Variants in DLGAP2 observed in about 807,000 individuals in gnomAD.
DLGAP2 encodes the protein disks large-associated protein 2.
In DLGAP2, 26 loss-of-function variants were observed where a neutral mutation model predicts 100.3. The ratio of observed to expected loss-of-function variants is 0.26; its 90% CI spans 0.19 to 0.36. The LOEUF (loss-of-function observed/expected upper bound fraction) is 0.36. DLGAP2 is among the 10% of genes least tolerant of loss of function. The pLI is 1.00. For synonymous variants in DLGAP2, 886 were observed against 630.1 expected (o/e 1.41, Z -6.08); for missense variants, 1,858 against 1,453.2 (o/e 1.28, Z -4.53).
intron 3 of DLGAP2, among the ~76,000 whole-genome samples, chr8:1,309,739 A>G (rs1234523216): frequency 1.3e-5 from 2 of 152,242 alleles, no homozygotes; most frequent in Admixed American, 1.3e-4. Flanking sequence ...CAGAAATTAA[A>G]AGATGAATGC....
intron 3 of DLGAP2, among the ~76,000 whole-genome samples, chr8:1,270,051 G>A (rs535422374): frequency 6.6e-5 from 10 of 152,134 alleles, no homozygotes; most frequent in East Asian, 5.8e-4. Flanking sequence ...ATACAGTAGC[G>A]GGTGGTCTTT....
intron 5 of DLGAP2, among the ~76,000 whole-genome samples, chr8:1,550,283 G>T (rs924365923): frequency 2.6e-5 from 4 of 152,182 alleles, no homozygotes; most frequent in African/African-American, 9.7e-5. Context: ...AGGATTGACG[G>T]CACGCTATGG....
chr8:1,029,116 A>G (rs1801900280), intron 2 of DLGAP2, among the ~76,000 whole-genome samples: 1 of 152,148 alleles, frequency 6.6e-6, no homozygotes, highest in African/African-American at 2.4e-5. Flanking sequence ...GGGGGAGGAG[A>G]TAACATAGCG....
chr8:1,478,561 CA>C (rs1253593013), intron 3 of DLGAP2, among the ~76,000 whole-genome samples: 3 of 152,184 alleles, frequency 2.0e-5, no homozygotes, highest in African/African-American at 7.2e-5. Flanking sequence ...GGGCAATGGT[CA>C]AACCAACAGA....
At chr8:1,327,536 C>G (rs1000958189) in intron 3 of DLGAP2, among the ~76,000 whole-genome samples, 1 of 152,184 alleles carries the variant, frequency 6.6e-6, no homozygotes, top group East Asian at 1.9e-4. Context: ...AAGTTTAAAT[C>G]TCTTGCAAGT....
chr8:1,092,099 C>G lies in DLGAP2; in HGVS notation c.74-166752C>G, dbSNP rs535803577. Among the ~76,000 whole-genome samples the G allele has an allele frequency of 6.6e-5, 10 of 152,310 alleles. No individual in the cohort carries two copies. In the East Asian group the frequency reaches 1.7e-3, roughly 26 times the overall value. ...GTGTCTCCTCTCCATGTTTTGGGGA[C>G]TCTCATGGGAGCGGCCGGTGTCTGC... On this transcript the variant is annotated intron_variant, in intron 2 of 14. Transcript: ENST00000637795.
chr8:1,477,877 G>A (rs751254592), intron 3 of DLGAP2, among the ~76,000 whole-genome samples: 1 of 152,146 alleles, frequency 6.6e-6, no homozygotes, highest in South Asian at 2.1e-4. Flanking sequence ...CCGGTGTCGG[G>A]ATGGCAGAGT....
chr8:1,628,827 C>T (rs1222875962), intron 7 of DLGAP2, among the ~76,000 whole-genome samples: 1 of 152,272 alleles, frequency 6.6e-6, no homozygotes, highest in Non-Finnish European at 1.5e-5. Flanking sequence ...TTCTCTCTGA[C>T]TTACTGTGGA....
chr8:1,417,150 CTCTGAGTGAAGGGGAAG>C (rs1796912420), intron 3 of DLGAP2, among the ~76,000 whole-genome samples: 3 of 85,364 alleles, frequency 3.5e-5, no homozygotes, highest in African/African-American at 5.9e-5. Context: ...GCGGGGGAGA[CTCTGAGTGAAGGGGAAG>C]CCCCCGTTCA....
At chr8:1,256,214 C>T (rs1245864895) in intron 2 of DLGAP2, among the ~76,000 whole-genome samples, 3 of 111,830 alleles carry the variant, frequency 2.7e-5, no homozygotes, top group Non-Finnish European at 5.3e-5. Flanking sequence ...TGCCCGGGTG[C>T]TGTGTGTGTG....
chr8:888,567 C>T (rs1321641634), intron 1 of DLGAP2, among the ~76,000 whole-genome samples: 2 of 148,816 alleles, frequency 1.3e-5, no homozygotes, highest in African/African-American at 2.5e-5. Context: ...CTGTGGGGGC[C>T]ATTTTTGTTG....
At chr8:1,196,039 G>A (rs188313506) in intron 2 of DLGAP2, among the ~76,000 whole-genome samples, 30 of 152,318 alleles carry the variant, frequency 2.0e-4, no homozygotes, top group East Asian at 5.8e-4. Context: ...TAGCCATGAC[G>A]TAGAGAAAAA....
chr8:1,220,928 C>G lies in DLGAP2; in HGVS notation c.74-37923C>G, dbSNP rs956719165. On this transcript the variant is annotated intron_variant, in intron 2 of 14. Transcript: ENST00000637795. Reference sequence around the variant, plus strand: ...TGAAATAAGAATAGCAGCTCTTCCTCTTGTTTGTTTTCCATTTGCTTGATA... The same window carrying G: ...TGAAATAAGAATAGCAGCTCTTCCTGTTGTTTGTTTTCCATTTGCTTGATA... Among the ~76,000 whole-genome samples, 17 of 152,160 alleles carry G rather than the reference C, an allele frequency of 1.1e-4. No individual in the cohort carries two copies. The South Asian group carries it at 1.7e-3, about 15-fold the overall frequency.
chr8:1,491,191 G>C (rs1304145645), intron 3 of DLGAP2, among the ~76,000 whole-genome samples: 2 of 151,004 alleles, frequency 1.3e-5, no homozygotes, highest in African/African-American at 4.9e-5. Context: ...ATTTGATGTT[G>C]CATGAAATAT....
intron 1 of DLGAP2, among the ~76,000 whole-genome samples, chr8:824,626 G>A (rs921469757): frequency 6.6e-6 from 1 of 151,804 alleles, no homozygotes; most frequent in Non-Finnish European, 1.5e-5. Context: ...TGGTGAAGAT[G>A]ACTGCTGACC....
intron 2 of DLGAP2, among the ~76,000 whole-genome samples, chr8:970,274 C>A (rs1016337376): frequency 2.0e-5 from 3 of 152,102 alleles, no homozygotes; most frequent in Admixed American, 6.6e-5. Context: ...GCAAGAAATA[C>A]CAAGTCACAA....
chr8:1,137,883 G>A (rs372503005), intron 2 of DLGAP2: 5 of 152,152 alleles, frequency 3.3e-5, no homozygotes, highest in African/African-American at 9.7e-5. Flanking sequence ...CTCTGCCTCC[G>A]GGGTTCAAGC....
In DLGAP2 at chr8:1,307,781, C is replaced by T. The variant is rs147408496; in HGVS notation, c.106+48898C>T. ...TTCGCCCGTCACAAAAGGAGAGTGA[C>T]TGTGATTCCCCTCACATGAGGTACG... On this transcript the variant is annotated intron_variant, in intron 3 of 14. Transcript: ENST00000637795. 6.9e-3 allele frequency among the ~76,000 whole-genome samples: 1,044 copies of T among 152,274 alleles called. 11 individuals carry two copies. The highest frequency in any genetic ancestry group is 0.037 in the Middle Eastern group (11 of 294).
chr8:1,221,344 C>T (rs866055387), intron 2 of DLGAP2, among the ~76,000 whole-genome samples: 3 of 152,216 alleles, frequency 2.0e-5, no homozygotes, highest in Middle Eastern at 3.4e-3. Context: ...TTATTTTTCT[C>T]CTTTACTTAT....
Sources: allele counts gnomAD v4.1 joint callset (sites outside exome capture counted in the v4.1 genomes callset), GRCh38; gene constraint gnomAD v4.1.1; transcripts MANE v1.5; gene names NCBI Gene and HGNC (gene_info 2026-07-23, HGNC 2026-07-21).